The following ANKRD44 variants were observed in gnomAD, a reference collection of about 807,000 sequenced individuals.
ANKRD44 encodes the protein serine/threonine-protein phosphatase 6 regulatory ankyrin repeat subunit B.
In ANKRD44, 35 loss-of-function variants were observed where a neutral mutation model predicts 116.0. The observed-to-expected ratio is 0.30, with a 90% CI of 0.23 to 0.40. The LOEUF is 0.40. Ranked by LOEUF, ANKRD44 falls within the 10% of genes least tolerant of loss-of-function variation. The pLI is 1.00. For synonymous variants in ANKRD44, 435 were observed against 461.8 expected (o/e 0.94, Z 0.74); for missense variants, 1,014 against 1,242.6 (o/e 0.82, Z 2.77).
rs184079236 is a variant in ANKRD44 at position 197,044,793 on chromosome 2, G to A, written c.1651-19526C>T. 4.1e-4 allele frequency among the ~76,000 whole-genome samples: 62 copies of A among 151,918 alleles called. 1 individual carries two copies. The East Asian group carries it at 0.01, about 25-fold the overall frequency. On this transcript the variant is annotated intron_variant, in intron 16 of 27. Coordinates refer to ENST00000282272, the MANE Select transcript of ANKRD44 (RefSeq NM_001195144.2). Reference sequence around the variant, plus strand: ...AAATAATAAAGCAAGCCCTCTATTTGTAAATAGTTTATACACACAAATTCC... The same window carrying A: ...AAATAATAAAGCAAGCCCTCTATTTATAAATAGTTTATACACACAAATTCC...
chr2:197,195,528 G>A (rs895572928), intron 1 of ANKRD44, among the ~76,000 whole-genome samples: 1 of 152,128 alleles, frequency 6.6e-6, no homozygotes, highest in Non-Finnish European at 1.5e-5. Context: ...AACAGATATA[G>A]TTTTTGGTTC....
At chr2:197,045,052 A>G (rs2076977429) in intron 16 of ANKRD44, among the ~76,000 whole-genome samples, 1 of 151,922 alleles carries the variant, frequency 6.6e-6, no homozygotes, top group Non-Finnish European at 1.5e-5. Context: ...GGTGGTTTCT[A>G]TAATTGCACA....
chr2:197,287,993 C>A (rs1448336931), intron 1 of ANKRD44, among the ~76,000 whole-genome samples: 10 of 128,288 alleles, frequency 7.8e-5, no homozygotes, highest in African/African-American at 2.8e-4. Flanking sequence ...GCACTCCAGC[C>A]TGGGTGACAG....
chr2:196,973,872 T>A (rs2075737351), intron 21 of ANKRD44, among the ~76,000 whole-genome samples: 1 of 152,162 alleles, frequency 6.6e-6, no homozygotes. Context: ...TAAACATACA[T>A]CTCTACACTG....
At chr2:197,087,518 G>C (rs954372113) in intron 12 of ANKRD44, among the ~76,000 whole-genome samples, 24 of 152,182 alleles carry the variant, frequency 1.6e-4, no homozygotes, top group African/African-American at 5.8e-4. Flanking sequence ...ATACAAAAGA[G>C]ACAATTGTCC....
intron 16 of ANKRD44, among the ~76,000 whole-genome samples, chr2:197,033,435 C>G (rs984864401): frequency 6.6e-6 from 1 of 152,132 alleles, no homozygotes; most frequent in Non-Finnish European, 1.5e-5. Flanking sequence ...CTCCTAGGGG[C>G]CTTACATGAA....
chr2:197,229,611 T>C (rs1010487121), intron 1 of ANKRD44, among the ~76,000 whole-genome samples: 14 of 152,252 alleles, frequency 9.2e-5, no homozygotes, highest in African/African-American at 2.7e-4. Flanking sequence ...AGATAATATT[T>C]ATAAGCACTT....
intron 2 of ANKRD44, among the ~76,000 whole-genome samples, chr2:197,166,132 G>T (rs1343929231): frequency 6.6e-6 from 1 of 152,108 alleles, no homozygotes; most frequent in Admixed American, 6.5e-5. Flanking sequence ...TATCTTTATT[G>T]GGGTATGAAT....
intron 16 of ANKRD44, among the ~76,000 whole-genome samples, chr2:197,065,431 G>A (rs533159557): frequency 6.6e-6 from 1 of 152,014 alleles, no homozygotes; most frequent in African/African-American, 2.4e-5. Context: ...CTAGCAGAAG[G>A]CAAGAAATAA....
chr2:197,091,203 C>G (rs1413418472), intron 10 of ANKRD44, among the ~76,000 whole-genome samples: 1 of 152,208 alleles, frequency 6.6e-6, no homozygotes, highest in East Asian at 1.9e-4. Context: ...GTTGCAGGCA[C>G]CCCCGCCTGG....
At chr2:197,274,557 G>T (rs1312371338) in intron 1 of ANKRD44, among the ~76,000 whole-genome samples, 1 of 152,186 alleles carries the variant, frequency 6.6e-6, no homozygotes, top group Admixed American at 6.5e-5. Flanking sequence ...CACGGTGACT[G>T]CACTCACTCA....
intron 2 of ANKRD44, among the ~76,000 whole-genome samples, chr2:197,148,722 T>C (rs2079567219): frequency 6.6e-6 from 1 of 152,174 alleles, no homozygotes; most frequent in Non-Finnish European, 1.5e-5. Flanking sequence ...AAGTAGGTTT[T>C]ATAAAGAATG....
intron 1 of ANKRD44, among the ~76,000 whole-genome samples, chr2:197,247,578 A>G (rs2082220818): frequency 6.6e-6 from 1 of 152,236 alleles, no homozygotes; most frequent in Non-Finnish European, 1.5e-5. Flanking sequence ...TGTATCGTGC[A>G]TGAGAGGACA....
chr2:196,999,068 A>G lies in ANKRD44; in HGVS notation c.2520-16T>C. On this transcript the variant is annotated splice_polypyrimidine_tract_variant and intron_variant, in intron 23 of 27. Coordinates refer to ENST00000282272, the MANE Select transcript of ANKRD44 (RefSeq NM_001195144.2). ...AAGGGGTGTCCTAAAGATTTAAAAC[A>G]AGTATCACTTTAGTTTCCTTTAAAC... is the stretch of plus-strand genomic sequence containing the variant. 6.2e-7 allele frequency: 1 copy of G among 1,612,402 alleles called. No individual in the cohort carries two copies. Among genetic ancestry groups the G allele is most frequent in the Non-Finnish European group, 8.5e-7 (1 of 1,179,360 alleles).
At chr2:197,013,100 T>C (rs2076327614) in intron 18 of ANKRD44, among the ~76,000 whole-genome samples, 1 of 152,246 alleles carries the variant, frequency 6.6e-6, no homozygotes, top group East Asian at 1.9e-4. Context: ...TTATGATTCC[T>C]TATGCGAAAT....
intron 2 of ANKRD44, among the ~76,000 whole-genome samples, chr2:197,181,019 G>A (rs969371407): frequency 6.6e-6 from 1 of 151,866 alleles, no homozygotes; most frequent in African/African-American, 2.4e-5. Context: ...ATTAATTCCT[G>A]TAGTCAAGAA....
At chr2:197,130,196 C>T (rs2079065933) in intron 4 of ANKRD44, among the ~76,000 whole-genome samples, 1 of 152,168 alleles carries the variant, frequency 6.6e-6, no homozygotes, top group Non-Finnish European at 1.5e-5. Context: ...TGATGTCCAA[C>T]CAATTTGCTC....
chr2:197,163,188 C>A (rs1574584513), intron 2 of ANKRD44, among the ~76,000 whole-genome samples: 2 of 152,202 alleles, frequency 1.3e-5, no homozygotes, highest in Non-Finnish European at 2.9e-5. Flanking sequence ...AGAGCCATGA[C>A]TTGAACCTGA....
chr2:197,289,922 G>A (rs1322944800), intron 1 of ANKRD44, among the ~76,000 whole-genome samples: 11 of 151,036 alleles, frequency 7.3e-5, no homozygotes, highest in Non-Finnish European at 1.5e-4. Flanking sequence ...GCTGAGTGCA[G>A]TGGCGTGATC....
Sources: gnomAD v4.1 joint callset for allele counts (sites outside exome capture counted in the v4.1 genomes callset) on GRCh38, gnomAD v4.1.1 for gene constraint, MANE v1.5 for transcripts, NCBI Gene and HGNC (gene_info 2026-07-23, HGNC 2026-07-21) for gene names.